Variants in HROB observed in about 807,000 individuals in gnomAD.
The protein encoded by HROB is homologous recombination factor with OB-fold, also known as homologous recombination OB-fold protein.
A neutral mutation model predicts 61.0 loss-of-function variants in HROB; 44 were observed. The observed-to-expected ratio is 0.72, with a 90% confidence interval of 0.57 to 0.93. The LOEUF is 0.93. Ranked by LOEUF, HROB falls within the 40% of genes least tolerant of loss-of-function variation. The pLI, the probability that HROB is intolerant of heterozygous loss-of-function variation, is 0.00. For synonymous variants in HROB, 301 were observed against 310.4 expected (o/e 0.97, Z 0.32); for missense variants, 716 against 796.2 (o/e 0.90, Z 1.21).
At chr17:44,154,514 T>C (rs73314466) in intron 5 of HROB, 42 bp from the exon 6 acceptor site, 7 of 1,604,406 alleles carry the variant, frequency 4.4e-6, no homozygotes, top group Non-Finnish European at 6.0e-6. Context: ...AAGTCACAAG[T>C]GGGCCGTGGA....
chr17:44,156,065 C>T (rs1477963981), intron 8 of HROB, among the ~76,000 whole-genome samples: 1 of 152,052 alleles, frequency 6.6e-6, no homozygotes, highest in Non-Finnish European at 1.5e-5. Flanking sequence ...CCTGTTGCCT[C>T]CCTTGCAACA....
chr17:44,148,207 AC>A lies in HROB; in HGVS notation c.409del (p.Leu137TyrfsTer66). On this transcript the variant is annotated frameshift_variant, in exon 3 of 10. Transcript: ENST00000585683. LOFTEE classifies it high-confidence loss of function. ...GCAAGACCTCAGTCCTCAGCCTTACACCCCCTACTCACCTTTGAGAGCCAAC... is the reference window on the plus strand; with the variant it reads ...GCAAGACCTCAGTCCTCAGCCTTACACCCCTACTCACCTTTGAGAGCCAAC... The part of the protein sequence containing the change: ...ETARPQSSAL[H>X]PLLTFESQQQ... 1 of 1,614,012 alleles carries A rather than the reference AC, an allele frequency of 6.2e-7. No homozygotes were observed. Among genetic ancestry groups the A allele is most frequent in the Non-Finnish European group, 8.5e-7 (1 of 1,179,994 alleles).
chr17:44,157,781 C>G, intron 8 of HROB, 52 bp from the exon 9 acceptor site: 1 of 1,430,890 alleles, frequency 7.0e-7, no homozygotes, highest in Non-Finnish European at 9.7e-7. Context: ...GTGGTGCCAT[C>G]TGAAGGGATT....
In HROB at chr17:44,142,083, C is replaced by G; in HGVS notation, c.-60C>G. 2 of 1,530,096 alleles carry G rather than the reference C, an allele frequency of 1.3e-6. No homozygotes were observed. Among genetic ancestry groups the G allele is most frequent in the Non-Finnish European group, 1.7e-6 (2 of 1,143,398 alleles). 94.8% of individuals were successfully genotyped at this position (1,530,096 alleles called of 1,614,324 possible). A position where few individuals can be genotyped will look rare whatever the true frequency, so the allele number is the denominator to read the frequency against. ...ACCTGGGTCGTGTCCAAGGCCCCGGCGACTCCCCGGACTCGGGGTGCCGGG... is the reference window on the plus strand; with the variant it reads ...ACCTGGGTCGTGTCCAAGGCCCCGGGGACTCCCCGGACTCGGGGTGCCGGG... On this transcript the variant is annotated 5_prime_UTR_variant, in exon 1 of 10. Coordinates refer to ENST00000585683, the MANE Select transcript of HROB (RefSeq NM_001171251.3).
At chr17:44,151,981 G>A (rs2053822434) in intron 4 of HROB, among the ~76,000 whole-genome samples, 1 of 152,004 alleles carries the variant, frequency 6.6e-6, no homozygotes, top group Non-Finnish European at 1.5e-5. Flanking sequence ...TGAGTAGCTG[G>A]GACTGCAGGC....
In HROB at chr17:44,148,804, TA is replaced by T. The variant is rs2053702714; in HGVS notation, c.1002del (p.Leu334PhefsTer34). On this transcript the variant is annotated frameshift_variant, in exon 3 of 10. Transcript: ENST00000585683. LOFTEE classifies it high-confidence loss of function. The part of the protein sequence containing the change: ...CSTPSRTSSG[L>X]FPRIPLQPQA... Reference sequence around the variant, plus strand: ...ACTCCCTCAAGGACTAGCTCTGGATTATTTCCTCGGATACCCTTACAACCGC... The same window carrying T: ...ACTCCCTCAAGGACTAGCTCTGGATTTTTCCTCGGATACCCTTACAACCGC... 6.2e-7 allele frequency: 1 copy of T among 1,614,078 alleles called. No individual in the cohort carries two copies. The highest frequency in any genetic ancestry group is 1.7e-5 in the Admixed American group (1 of 59,998).
intron 9 of HROB, among the ~76,000 whole-genome samples, chr17:44,158,819 G>T (rs2054048385): frequency 6.6e-6 from 1 of 151,914 alleles, no homozygotes; most frequent in African/African-American, 2.4e-5. Flanking sequence ...CTAATTTTTT[G>T]TGTATTTTTA....
chr17:44,150,025 A>G, intron 3 of HROB, among the ~76,000 whole-genome samples: 1 of 152,192 alleles, frequency 6.6e-6, no homozygotes, highest in Non-Finnish European at 1.5e-5. Flanking sequence ...GTGTAAGGGC[A>G]CAGAGGCAGA....
chr17:44,150,729 C>T (rs2053776352), intron 3 of HROB, among the ~76,000 whole-genome samples: 1 of 152,198 alleles, frequency 6.6e-6, no homozygotes, highest in East Asian at 1.9e-4. Flanking sequence ...TTCAGGCAGC[C>T]CTGGTTTTTG....
At chr17:44,161,063 G>T (rs1158645742) in intron 9 of HROB, among the ~76,000 whole-genome samples, 4 of 152,110 alleles carry the variant, frequency 2.6e-5, no homozygotes, top group Non-Finnish European at 5.9e-5. Flanking sequence ...TTAGCCAGGC[G>T]TGGTGGTGGG....
intron 9 of HROB, 141 bp from the exon 10 acceptor site, chr17:44,161,729 CA>C (rs1187266851): frequency 1.2e-6 from 1 of 808,264 alleles, no homozygotes; most frequent in Non-Finnish European, 2.1e-6. Context: ...GGCCCATTGG[CA>C]TGGGTACCAC....
In HROB at chr17:44,142,466, C is replaced by CTTTTTTTT. The variant is rs1156855939; in HGVS notation, c.3+333_3+340dup. ...TCCCCTCCCCGCCCCACACTTTCTA[C>CTTTTTTTT]TTTTTTTTTTTTTTTTTTTGGACGA... is the stretch of plus-strand genomic sequence containing the variant. On this transcript the variant is annotated intron_variant, in intron 1 of 9. Transcript: ENST00000585683. 1.5e-5 allele frequency among the ~76,000 whole-genome samples: 2 copies of CTTTTTTTT among 137,854 alleles called. 1 individual carries two copies. 90.4% of individuals were successfully genotyped at this position (137,854 alleles called of 152,430 possible).
intron 3 of HROB, among the ~76,000 whole-genome samples, chr17:44,150,592 T>C (rs1406374274): frequency 6.6e-6 from 1 of 152,022 alleles, no homozygotes; most frequent in Non-Finnish European, 1.5e-5. Context: ...GGTTTCTCCA[T>C]GTTGGCCAGG....
chr17:44,148,824 C>A lies in HROB; in HGVS notation c.1021C>A (p.Gln341Lys), dbSNP rs774881553. 1.9e-5 allele frequency: 30 copies of A among 1,614,250 alleles called. No homozygotes were observed. In the East Asian group the frequency reaches 4.5e-4, roughly 24 times the overall value. ...TGGATTATTTCCTCGGATACCCTTACAACCGCAAGCTCCAGTGTCTTCCAT... is the reference window on the plus strand; with the variant it reads ...TGGATTATTTCCTCGGATACCCTTAAAACCGCAAGCTCCAGTGTCTTCCAT... ...SSGLFPRIPL[Q>K]PQAPVSSIGS... Residue 341 changes from glutamine to lysine, a missense_variant, in exon 3 of 10, where the codon CAA becomes AAA. Physicochemically the swap from Gln to Lys is moderately conservative, Grantham distance 53. Transcript: ENST00000585683.
At chr17:44,155,201 G>A (rs2053935703) in intron 7 of HROB, 85 bp from the exon 8 acceptor site, 3 of 1,576,502 alleles carry the variant, frequency 1.9e-6, no homozygotes, top group South Asian at 1.2e-5. Context: ...AGGACACCAA[G>A]TGAAAGGCAG....
chr17:44,150,636 C>A (rs2053773428), intron 3 of HROB, among the ~76,000 whole-genome samples: 1 of 152,134 alleles, frequency 6.6e-6, no homozygotes. Context: ...GGTGATCCAC[C>A]CGCCTCAGCC....
rs1310645173 is a variant in HROB, at chr17:44,150,961, C to A, written c.1225C>A (p.Gln409Lys). Residue 409 changes from glutamine (Q) to lysine (K), a missense_variant and splice_region_variant, in exon 4 of 10, where the codon CAG becomes AAG. Transcript: ENST00000585683. ...PGPAGILPHQ[Q>K]SGRSLEDIMV... The stretch of plus-strand genomic sequence containing the variant: ...ATCTTCTCCTTCCCTCCCCTCTTAG[C>A]AGAGTGGGAGAAGTCTGGAGGACAT... 3 of 1,609,032 alleles carry A rather than the reference C, an allele frequency of 1.9e-6. No individual in the cohort carries two copies. The highest frequency in any genetic ancestry group is 2.5e-6 in the Non-Finnish European group (3 of 1,176,580).
Position 44,159,660 on chromosome 17 carries a change from A to G in HROB, c.1879+1719A>G, listed in dbSNP as rs183489837. 7.2e-5 allele frequency among the ~76,000 whole-genome samples: 11 copies of G among 152,374 alleles called. No homozygotes were observed. In the East Asian group the frequency reaches 1.9e-3, roughly 27 times the overall value. On this transcript the variant is annotated intron_variant, in intron 9 of 9. Coordinates refer to ENST00000585683, the MANE Select transcript of HROB (RefSeq NM_001171251.3). ...GTCATCTCAAAAGATTGATAAAGTC[A>G]AGCAAGTCACGTGTCCACGTGATGG...
intron 8 of HROB, among the ~76,000 whole-genome samples, chr17:44,155,980 G>A (rs1378466406): frequency 3.3e-5 from 5 of 151,822 alleles, no homozygotes; most frequent in Admixed American, 3.3e-4. Flanking sequence ...TAGAGCCTGG[G>A]CTTGACTTGC....
Sources: gnomAD v4.1 joint callset for allele counts (sites outside exome capture counted in the v4.1 genomes callset) on GRCh38, gnomAD v4.1.1 for gene constraint, MANE v1.5 for transcripts, NCBI Gene and HGNC (gene_info 2026-07-23, HGNC 2026-07-21) for gene names.